The following IRF7 variants were observed in gnomAD, a reference collection of about 807,000 sequenced individuals.
IRF7 encodes interferon regulatory factor-7H.
IRF7 carries 67 observed loss-of-function variants against 51.3 expected under a neutral mutation model. The observed-to-expected ratio is 1.31, with a 90% CI of 1.07 to 1.60. The LOEUF (loss-of-function observed/expected upper bound fraction) is 1.60. Among genes scored for constraint, IRF7 ranks in the 40% most tolerant of loss-of-function variants. The probability of loss-of-function intolerance (pLI) is 0.00; values close to 1 mark genes in which losing one functional copy is unlikely to be tolerated. For missense variants in IRF7, 873 were observed against 701.5 expected (o/e 1.24, Z -2.76); for synonymous variants, 427 against 301.3 (o/e 1.42, Z -4.32).
chr11:613,683 G>A, intron 8 of IRF7, 88 bp from the exon 9 acceptor site: 1 of 772,230 alleles, frequency 1.3e-6, no homozygotes, highest in South Asian at 2.2e-5. Flanking sequence ...TGTGAGTGAC[G>A]GGGGTGGGCG....
Position 613,551 on chromosome 11 carries a change from G to A in IRF7, c.892C>T (p.Arg298Cys), listed in dbSNP as rs755654133. 2.5e-6 allele frequency: 4 copies of A among 1,578,898 alleles called. No individual in the cohort carries two copies. Among genetic ancestry groups the A allele is most frequent in the South Asian group, 1.2e-5 (1 of 85,170 alleles). Reference protein sequence around the residue: ...ALDVTIMYKGRTVLQKVVGHP... With the variant: ...ALDVTIMYKGCTVLQKVVGHP... ...CCCACCACCTTCTGCAGCACCGTGCGGCCCTTGTACATGATGGTCACGTCC... is the reference window on the plus strand; with the variant it reads ...CCCACCACCTTCTGCAGCACCGTGCAGCCCTTGTACATGATGGTCACGTCC... The change falls in exon 9 of 11, where the codon CGC becomes TGC. Residue 298 changes from arginine to cysteine, a missense_variant. Arg to Cys is a radical substitution (Grantham distance 180). Coordinates refer to ENST00000525445, the MANE Select transcript of IRF7 (RefSeq NM_001572.5).
At position 614,229 on chromosome 11, in the gene IRF7, G is replaced by C; in HGVS notation, c.624C>G (p.Thr208=). The part of the protein sequence containing the change: ...TASWGADPVP[T]KAPGEGQEGL... The stretch of plus-strand genomic sequence containing the variant: ...CTTCTTGTCCCTCTCCAGGAGCCTT[G>C]GTTGGGACTGGATCTGCCCCCCATG... The change falls in exon 6 of 11, where the codon ACC becomes ACG. Residue 208 remains threonine (T), a synonymous_variant. Transcript: ENST00000525445. The C allele has an allele frequency of 1.2e-6, 2 of 1,613,024 alleles. No homozygotes were observed. Among genetic ancestry groups the C allele is most frequent in the Non-Finnish European group, 8.5e-7 (1 of 1,179,916 alleles).
At chr11:614,720 C>G in intron 4 of IRF7, 77 bp downstream of exon 4, 1 of 1,468,120 alleles carries the variant, frequency 6.8e-7, no homozygotes, top group Non-Finnish European at 9.1e-7. Flanking sequence ...TCTAAAACCA[C>G]AAATCTGACC....
chr11:613,555 C>G lies in IRF7; in HGVS notation c.888G>C (p.Lys296Asn). The change falls in exon 9 of 11, where the codon AAG (lysine) becomes AAC (asparagine). Residue 296 changes from lysine (K) to asparagine (N), a missense_variant. Transcript: ENST00000525445. ...CCACCTTCTGCAGCACCGTGCGGCC[C>G]TTGTACATGATGGTCACGTCCAGCG... Reference protein sequence around the residue: ...PGALDVTIMYKGRTVLQKVVG... With the variant: ...PGALDVTIMYNGRTVLQKVVG... 6.3e-7 allele frequency: 1 copy of G among 1,577,386 alleles called. No individual in the cohort carries two copies. The highest frequency in any genetic ancestry group is 2.2e-5 in the East Asian group (1 of 44,494).
In IRF7 at chr11:614,851, C is replaced by T. The variant is rs758401823; in HGVS notation, c.340G>A (p.Asp114Asn). The T allele has an allele frequency of 2.6e-6, 4 of 1,567,388 alleles. No homozygotes were observed. The highest frequency in any genetic ancestry group is 1.2e-5 in the South Asian group (1 of 85,498). ...TACACCTTGTGCGGGTCGGCCGGGT[C>T]CCCCGAGTTATCCCGCAGCATCACG... ...RFVMLRDNSG[D>N]PADPHKVYAL... The change falls in exon 4 of 11, where the codon GAC (aspartate) becomes AAC (asparagine). Residue 114 changes from aspartate (D) to asparagine (N), a missense_variant. Asp to Asn is a conservative substitution (Grantham distance 23). Transcript: ENST00000525445.
chr11:613,187 AG>A lies in IRF7; in HGVS notation c.1237+18del. The stretch of plus-strand genomic sequence containing the variant: ...CAAGGACCCCTGGAGACAGCCCCCC[AG>A]GCAAGGGCCTCACTGACCTTGGAAG... On this transcript the variant is annotated intron_variant, in intron 9 of 10. Transcript: ENST00000525445. 6.3e-7 allele frequency: 1 copy of A among 1,593,452 alleles called. No individual in the cohort carries two copies. Among genetic ancestry groups the A allele is most frequent in the Non-Finnish European group, 8.6e-7 (1 of 1,168,082 alleles).
rs1180733936 is a variant in IRF7 at position 614,909 on chromosome 11, G to A, written c.282C>T (p.Asn94=). 3.8e-6 allele frequency: 6 copies of A among 1,590,066 alleles called. No individual in the cohort carries two copies. The highest frequency in any genetic ancestry group is 3.5e-5 in the Admixed American group (2 of 56,998). ...ETAERAGWKT[N]FRCALRSTRR... is the part of the protein sequence containing the mutation. ...GCGTGCTGCGCAGTGCGCAGCGGAA[G>A]TTGGTTTTCCAGCCGGCGCGCTCCG... Residue 94 remains asparagine (N), a synonymous_variant, in exon 4 of 11, where the codon AAC becomes AAT. Transcript: ENST00000525445.
In IRF7 at chr11:614,854, C is replaced by T; in HGVS notation, c.337G>A (p.Gly113Arg). 1 of 1,569,182 alleles carries T rather than the reference C, an allele frequency of 6.4e-7. No homozygotes were observed. The highest frequency in any genetic ancestry group is 8.6e-7 in the Non-Finnish European group (1 of 1,158,642). The change falls in exon 4 of 11, where the codon GGG becomes AGG. Residue 113 changes from glycine (G) to arginine (R), a missense_variant. Physicochemically the swap from Gly to Arg is moderately radical, Grantham distance 125. Transcript: ENST00000525445. ...RRFVMLRDNS[G>R]DPADPHKVYA... ...ACCTTGTGCGGGTCGGCCGGGTCCC[C>T]CGAGTTATCCCGCAGCATCACGAAG...
chr11:613,160 C>T, intron 9 of IRF7, 43 bp from the exon 10 acceptor site: 1 of 1,604,634 alleles, frequency 6.2e-7, no homozygotes, highest in Admixed American at 1.7e-5. Flanking sequence ...GGCAGGTGCT[C>T]CCAAGGACCC....
Position 613,061 on chromosome 11 carries a change from G to A in IRF7, c.1294C>T (p.Leu432=). ...GCTGACAGGTCCTGCCCGAAGCCCAGGTAGATGGTATAGCGTGGGGAGCCA... is the reference window on the plus strand; with the variant it reads ...GCTGACAGGTCCTGCCCGAAGCCCAAGTAGATGGTATAGCGTGGGGAGCCA... The part of the protein sequence containing the change: ...RRGSPRYTIY[L]GFGQDLSAGR... The change falls in exon 10 of 11, where the codon CTG becomes TTG. Residue 432 remains leucine (L), a synonymous_variant. Transcript: ENST00000525445. 3 of 1,613,152 alleles carry A rather than the reference G, an allele frequency of 1.9e-6. No individual in the cohort carries two copies. The highest frequency in any genetic ancestry group is 2.2e-5 in the South Asian group (2 of 91,092).
In IRF7 at chr11:613,578, G is replaced by C. The variant is rs769885300; in HGVS notation, c.865C>G (p.Leu289Val). ...CCCTTGTACATGATGGTCACGTCCA[G>C]CGCCCCTGGGCTGGGCTCTGTGTGG... Reference protein sequence around the residue: ...TAVQEPSPGALDVTIMYKGRT... With the variant: ...TAVQEPSPGAVDVTIMYKGRT... Residue 289 changes from leucine (L) to valine (V), a missense_variant, in exon 9 of 11, where the codon CTG (leucine) becomes GTG (valine). By Grantham distance (32) the Leu-to-Val change is conservative. Transcript: ENST00000525445. 11 of 1,568,216 alleles carry C rather than the reference G, an allele frequency of 7.0e-6. No individual in the cohort carries two copies. Among genetic ancestry groups the C allele is most frequent in the Non-Finnish European group, 9.5e-6 (11 of 1,160,536 alleles).
rs776600480 is a variant in IRF7 at position 613,325 on chromosome 11, T to A, written c.1118A>T (p.Lys373Met). 1 of 1,611,686 alleles carries A rather than the reference T, an allele frequency of 6.2e-7. No individual in the cohort carries two copies. The highest frequency in any genetic ancestry group is 8.5e-7 in the Non-Finnish European group (1 of 1,179,640). ...GPQLWARRMG[K>M]CKVYWEVGGP... ...GCCCACCTCCCAGTACACCTTGCAC[T>A]TGCCCATGCGCCGGGCCCACAGCTG... The change falls in exon 9 of 11, where the codon AAG becomes ATG. Residue 373 changes from lysine (K) to methionine (M), a missense_variant. Physicochemically the swap from Lys to Met is moderately conservative, Grantham distance 95. Transcript: ENST00000525445.
At chr11:614,652 G>T (rs1029393357) in intron 4 of IRF7, 118 bp from the exon 5 acceptor site, 3 of 1,398,906 alleles carry the variant, frequency 2.1e-6, no homozygotes, top group Admixed American at 2.2e-5. Context: ...GCCTGAGGAG[G>T]TGGGGATGTG....
rs1564881939 is a variant in IRF7, at chr11:613,812, AG to A, written c.819del (p.Ser274ProfsTer18). 1 of 1,574,676 alleles carries A rather than the reference AG, an allele frequency of 6.4e-7. No homozygotes were observed. Among genetic ancestry groups the A allele is most frequent in the Non-Finnish European group, 8.6e-7 (1 of 1,168,216 alleles). On this transcript the variant is annotated frameshift_variant, in exon 8 of 11. Coordinates refer to ENST00000525445, the MANE Select transcript of IRF7 (RefSeq NM_001572.5). LOFTEE classifies it high-confidence loss of function. ...TGCACCGCGGTGCAGGCGCTTGGGG[AG>A]GGTGACAGGTACGGCTCTGCCTGGT... ...SPHQAEPYLS[P>X]SPSACTAVQE...
chr11:615,246 C>A lies in IRF7; in HGVS notation c.34G>T (p.Val12Leu), dbSNP rs746593118. 6 of 1,584,142 alleles carry A rather than the reference C, an allele frequency of 3.8e-6. No homozygotes were observed. The highest frequency in any genetic ancestry group is 4.3e-6 in the Non-Finnish European group (5 of 1,170,166). ...ALAPERAAPR[V>L]LFGEWLLGEI... ...CCAAGGAGCCACTCTCCGAACAGCA[C>A]GCGTGGGGCTGCCCTGCGGGTGCCC... is the stretch of plus-strand genomic sequence containing the variant. Residue 12 changes from valine to leucine, a missense_variant, in exon 3 of 11, where the codon GTG becomes TTG. Physicochemically the swap from Val to Leu is conservative, Grantham distance 32. Transcript: ENST00000525445.
Position 615,497 on chromosome 11 carries a change from ACTGAGGGCTTGTAGC to A in IRF7, c.-148_-134del. 1 of 1,066,240 alleles carries A rather than the reference ACTGAGGGCTTGTAGC, an allele frequency of 9.4e-7. No individual in the cohort carries two copies. Among genetic ancestry groups the A allele is most frequent in the Non-Finnish European group, 1.3e-6 (1 of 768,472 alleles). 66.0% of individuals were successfully genotyped at this position (1,066,240 alleles called of 1,614,324 possible). ...GTGTCACAGGTGTCCACAGGTGTGG[ACTGAGGGCTTGTAGC>A]CACCGACGCTGCCTCGGTATGGATC... On this transcript the variant is annotated 5_prime_UTR_variant, in exon 2 of 11. Transcript: ENST00000525445.
rs1856536729 is a variant in IRF7, at chr11:613,095, C to T, written c.1260G>A (p.Arg420=). The T allele has an allele frequency of 6.2e-7, 1 of 1,613,054 alleles. No homozygotes were observed. The highest frequency in any genetic ancestry group is 1.7e-5 in the Admixed American group (1 of 60,012). Residue 420 remains arginine, a synonymous_variant, in exon 10 of 11, where the codon CGG becomes CGA. Coordinates refer to ENST00000525445, the MANE Select transcript of IRF7 (RefSeq NM_001572.5). ...FFQELVEFRA[R]QRRGSPRYTI... ...TATAGCGTGGGGAGCCACGGCGCTGCCGTGCCCGGAATTCCACCAGCTCTG... is the reference window on the plus strand; with the variant it reads ...TATAGCGTGGGGAGCCACGGCGCTGTCGTGCCCGGAATTCCACCAGCTCTG...
intron 7 of IRF7, 25 bp downstream of exon 7, chr11:613,926 G>A: frequency 6.2e-7 from 1 of 1,602,084 alleles, no homozygotes; most frequent in South Asian, 1.1e-5. Context: ...TGTGCCCCAG[G>A]CCTCCCAACC....
Position 613,570 on chromosome 11 carries a change from C to G in IRF7, c.873G>C (p.Val291=). Residue 291 remains valine, a synonymous_variant, in exon 9 of 11, where the codon GTG becomes GTC. Transcript: ENST00000525445. ...CCGTGCGGCCCTTGTACATGATGGT[C>G]ACGTCCAGCGCCCCTGGGCTGGGCT... ...VQEPSPGALD[V]TIMYKGRTVL... 6.3e-7 allele frequency: 1 copy of G among 1,575,496 alleles called. No homozygotes were observed. The highest frequency in any genetic ancestry group is 8.6e-7 in the Non-Finnish European group (1 of 1,163,092).
Sources: allele counts gnomAD v4.1 joint callset, GRCh38; gene constraint gnomAD v4.1.1; transcripts MANE v1.5; gene names NCBI Gene and HGNC (gene_info 2026-07-23, HGNC 2026-07-21).